The following EIF4ENIF1 variants were observed in gnomAD, a reference collection of about 807,000 sequenced individuals.
EIF4ENIF1 encodes the protein eukaryotic translation initiation factor 4E nuclear import factor 1, also known as eukaryotic translation initiation factor 4E transporter.
In EIF4ENIF1, 23 loss-of-function variants were observed where a neutral mutation model predicts 110.5. The observed-to-expected ratio is 0.21, with a 90% CI of 0.15 to 0.29. The LOEUF (loss-of-function observed/expected upper bound fraction) is 0.29. Ranked by LOEUF, EIF4ENIF1 falls within the 10% of genes least tolerant of loss-of-function variation. The probability of loss-of-function intolerance (pLI) is 1.00; values close to 1 mark genes in which losing one functional copy is unlikely to be tolerated. For missense variants in EIF4ENIF1, 1,031 were observed against 1,221.1 expected, an observed-to-expected ratio of 0.84 and a Z score of 2.32; for synonymous variants, 440 against 437.0, an observed-to-expected ratio of 1.01 and a Z score of -0.09.
At position 31,487,787 on chromosome 22, in the gene EIF4ENIF1, C is replaced by T. The variant is rs1173821165; in HGVS notation, c.96+836G>A. On this transcript the variant is annotated intron_variant, in intron 2 of 18. Coordinates refer to ENST00000330125, the MANE Select transcript of EIF4ENIF1 (RefSeq NM_019843.4). The stretch of plus-strand genomic sequence containing the variant: ...CCTCGGCGACAAAGTGACGCCCTGT[C>T]GGGTGCAAAAAAAAAAAAAAAAAAA... Among the ~76,000 whole-genome samples the T allele has an allele frequency of 5.6e-5, 6 of 107,534 alleles. No homozygotes were observed. In the Admixed American group the frequency reaches 6.7e-4, roughly 12 times the overall value. The allele number at this position is 107,534 out of a possible 152,430, so 70.5% of individuals were successfully genotyped here.
chr22:31,448,686 C>T (rs978840094), intron 12 of EIF4ENIF1, among the ~76,000 whole-genome samples: 7 of 152,306 alleles, frequency 4.6e-5, no homozygotes, highest in African/African-American at 7.2e-5. Context: ...AGGAACACTA[C>T]GACATTCCAT....
At chr22:31,463,164 A>C (rs1388421367) in intron 5 of EIF4ENIF1, 31 bp from the exon 6 acceptor site, 1 of 1,602,924 alleles carries the variant, frequency 6.2e-7, no homozygotes, top group Admixed American at 1.7e-5. Flanking sequence ...AGATTAAAAA[A>C]TTTCTAGTCA....
chr22:31,483,948 G>C (rs965924617), intron 2 of EIF4ENIF1, among the ~76,000 whole-genome samples: 1 of 152,178 alleles, frequency 6.6e-6, no homozygotes, highest in Non-Finnish European at 1.5e-5. Context: ...ATGAGATTTA[G>C]GAGTAGGTCT....
chr22:31,453,305 T>G lies in EIF4ENIF1; in HGVS notation c.1512+839A>C, dbSNP rs565621095. ...TAACTTCATGCCTACAAGTTTTGTT[T>G]TTAACTTGGAGCCACAACTTTTTCC... is the stretch of plus-strand genomic sequence containing the variant. On this transcript the variant is annotated intron_variant, in intron 10 of 18. Coordinates refer to ENST00000330125, the MANE Select transcript of EIF4ENIF1 (RefSeq NM_019843.4). The G allele has an allele frequency of 8.4e-6, 3 of 358,654 alleles. No individual in the cohort carries two copies. The East Asian group carries it at 2.3e-4, about 28-fold the overall frequency. The allele number at this position is 358,654 out of a possible 1,614,324, so 22.2% of individuals were successfully genotyped here.
intron 14 of EIF4ENIF1, among the ~76,000 whole-genome samples, chr22:31,445,807 C>T (rs1487010082): frequency 2.0e-5 from 3 of 152,096 alleles, no homozygotes; most frequent in East Asian, 1.9e-4. Context: ...TGGAGGGACA[C>T]AACTGTACAC....
chr22:31,481,694 A>C (rs2051822032), intron 2 of EIF4ENIF1, among the ~76,000 whole-genome samples: 3 of 152,170 alleles, frequency 2.0e-5, no homozygotes, highest in Admixed American at 2.0e-4. Flanking sequence ...GGATGACTCA[A>C]GTCAGTCACT....
At chr22:31,448,322 C>T (rs547778026) in intron 12 of EIF4ENIF1, 90 bp from the exon 13 acceptor site, 36 of 1,268,602 alleles carry the variant, frequency 2.8e-5, no homozygotes, top group African/African-American at 2.8e-4. Flanking sequence ...TCTTGCTGAA[C>T]GCCATCTCTT....
In EIF4ENIF1 at chr22:31,482,438, T is replaced by C. The variant is rs139079467; in HGVS notation, c.96+6185A>G. On this transcript the variant is annotated intron_variant, in intron 2 of 18. Transcript: ENST00000330125. ...AGCTCACGCCTGTAATCCCAGCACT[T>C]TGGCAGGCCACGGCAGGTGGATCAC... Among the ~76,000 whole-genome samples the C allele has an allele frequency of 1.7e-3, 260 of 152,136 alleles. 3 individuals are homozygous for C. In the East Asian group the frequency reaches 0.044, roughly 26 times the overall value.
chr22:31,444,352 T>C (rs2050395759), intron 15 of EIF4ENIF1: 2 of 399,998 alleles, frequency 5.0e-6, no homozygotes, highest in Non-Finnish European at 9.5e-6. Context: ...ACATACTATA[T>C]CACCTCGTGT....
At chr22:31,451,673 T>C (rs1373797964) in intron 10 of EIF4ENIF1, among the ~76,000 whole-genome samples, 3 of 152,004 alleles carry the variant, frequency 2.0e-5, no homozygotes, top group Non-Finnish European at 4.4e-5. Context: ...ACTTTTTTTT[T>C]TTTTTTTGGG....
intron 6 of EIF4ENIF1, among the ~76,000 whole-genome samples, chr22:31,461,472 C>T (rs904656962): frequency 6.6e-6 from 1 of 152,116 alleles, no homozygotes; most frequent in Non-Finnish European, 1.5e-5. Flanking sequence ...AGAGTCTCAA[C>T]TCTGTCTCCC....
Position 31,441,875 on chromosome 22 carries a change from A to G in EIF4ENIF1, c.2450T>C (p.Val817Ala), listed in dbSNP as rs2050310087. The change falls in exon 17 of 19, where the codon GTC becomes GCC. Residue 817 changes from valine to alanine, a missense_variant. Val to Ala is a moderately conservative substitution (Grantham distance 64, BLOSUM62 0). Coordinates refer to ENST00000330125, the MANE Select transcript of EIF4ENIF1 (RefSeq NM_019843.4). ...CTGGTGAGCAGGCCTAACCATAGGG[A>G]CATGGGGGACAAGGGGAACTTGGTG... Reference protein sequence around the residue: ...PVHQVPLVPHVPMVRPAHQLH... With the variant: ...PVHQVPLVPHAPMVRPAHQLH... 6.2e-7 allele frequency: 1 copy of G among 1,614,040 alleles called. No individual in the cohort carries two copies. Among genetic ancestry groups the G allele is most frequent in the African/African-American group, 1.3e-5 (1 of 74,918 alleles).
At chr22:31,449,613 A>G (rs2050586201) in intron 11 of EIF4ENIF1, 82 bp from the exon 12 acceptor site, 1 of 1,337,430 alleles carries the variant, frequency 7.5e-7, no homozygotes, top group African/African-American at 1.5e-5. Context: ...AACTTTTGAG[A>G]GCCACAAGAT....
At chr22:31,474,121 A>T (rs1440758970) in intron 2 of EIF4ENIF1, among the ~76,000 whole-genome samples, 2 of 151,224 alleles carry the variant, frequency 1.3e-5, no homozygotes, top group Non-Finnish European at 2.9e-5. Context: ...GCACTGGCGC[A>T]ATCTTGGCTC....
intron 17 of EIF4ENIF1, among the ~76,000 whole-genome samples, chr22:31,441,570 A>AG (rs2050298839): frequency 2.7e-5 from 4 of 150,878 alleles, no homozygotes; most frequent in Non-Finnish European, 5.9e-5. Flanking sequence ...AAAAAAAAAA[A>AG]AAAGAATCTT....
intron 2 of EIF4ENIF1, among the ~76,000 whole-genome samples, chr22:31,486,210 C>T (rs1404788182): frequency 6.6e-6 from 1 of 151,242 alleles, no homozygotes; most frequent in Non-Finnish European, 1.5e-5. Context: ...GCGGAGACTG[C>T]AGTGAGCCGA....
chr22:31,472,270 A>T (rs868581558), intron 2 of EIF4ENIF1, among the ~76,000 whole-genome samples: 68 of 142,162 alleles, frequency 4.8e-4, no homozygotes, highest in African/African-American at 1.1e-3. Context: ...TTACAAGGGG[A>T]TTTTTTTTTT....
At chr22:31,469,140 T>C (rs182250454) in intron 3 of EIF4ENIF1, among the ~76,000 whole-genome samples, 1 of 152,210 alleles carries the variant, frequency 6.6e-6, no homozygotes, top group Non-Finnish European at 1.5e-5. Context: ...GATGGGGTGG[T>C]GGGTAGTACT....
At chr22:31,443,919 C>T (rs1166415706) in intron 15 of EIF4ENIF1, among the ~76,000 whole-genome samples, 1 of 151,596 alleles carries the variant, frequency 6.6e-6, no homozygotes, top group African/African-American at 2.4e-5. Context: ...CTCGGCCTCC[C>T]GAGTATAGCT....
Sources: allele counts gnomAD v4.1 joint callset (sites outside exome capture counted in the v4.1 genomes callset), GRCh38; gene constraint gnomAD v4.1.1; transcripts MANE v1.5; gene names NCBI Gene and HGNC (gene_info 2026-07-23, HGNC 2026-07-21).